RBM39: variants seen among roughly 807,000 people sequenced by gnomAD.
RBM39 encodes the protein RNA-binding protein 39.
RBM39 carries 12 observed loss-of-function variants against 79.6 expected under a neutral mutation model. The ratio of observed to expected loss-of-function variants is 0.15; its 90% confidence interval spans 0.10 to 0.24. The LOEUF is 0.24. Ranked by LOEUF, RBM39 falls within the 10% of genes least tolerant of loss-of-function variation. The pLI is 1.00. For missense variants in RBM39, 243 were observed against 653.4 expected (o/e 0.37, Z 6.85); for synonymous variants, 185 against 208.4 (o/e 0.89, Z 0.97).
chr20:35,738,489 C>CT (rs11167274), intron 3 of RBM39, among the ~76,000 whole-genome samples: 28,439 of 152,130 alleles, frequency 0.19, 3,060 homozygotes, highest in African/African-American at 0.31. Flanking sequence ...TACTTAAGTA[C>CT]CTGTTCCATC....
intron 3 of RBM39, among the ~76,000 whole-genome samples, chr20:35,735,318 C>T (rs985444006): frequency 6.6e-6 from 1 of 152,164 alleles, no homozygotes; most frequent in African/African-American, 2.4e-5. Context: ...TTGACATATG[C>T]AAAAACTCAG....
At chr20:35,709,022 T>TG (rs1319515554) in intron 13 of RBM39, 19 of 453,330 alleles carry the variant, frequency 4.2e-5, no homozygotes, top group Non-Finnish European at 7.3e-5. Flanking sequence ...ATTGTTATTT[T>TG]GATTTTTTTT....
chr20:35,720,596 C>A (rs2037778429), intron 9 of RBM39, among the ~76,000 whole-genome samples: 1 of 150,110 alleles, frequency 6.7e-6, no homozygotes, highest in African/African-American at 2.5e-5. Flanking sequence ...ATGGTAAAGC[C>A]CTGTCTCTAA....
chr20:35,738,028 G>C (rs748693889), intron 3 of RBM39, among the ~76,000 whole-genome samples: 1 of 151,616 alleles, frequency 6.6e-6, no homozygotes, highest in African/African-American at 2.4e-5. Flanking sequence ...GTGATGGCGC[G>C]CGCCTGTAGT....
rs913238874 is a variant in RBM39, at chr20:35,742,191, G to A, written c.-264C>T. 4 of 158,186 alleles carry A rather than the reference G, an allele frequency of 2.5e-5. No homozygotes were observed. Among genetic ancestry groups the A allele is most frequent in the African/African-American group, 9.7e-5 (4 of 41,448 alleles). The allele number at this position is 158,186 out of a possible 1,614,324, so 9.8% of individuals were successfully genotyped here. A position where few individuals can be genotyped will look rare whatever the true frequency, so the allele number is the denominator to read the frequency against. On this transcript the variant is annotated 5_prime_UTR_variant, in exon 1 of 17. It introduces an in-frame stop codon into an upstream open reading frame of the 5' UTR. Coordinates refer to ENST00000253363, the MANE Select transcript of RBM39 (RefSeq NM_184234.3). ...CTTCGGCAGCTCAGGATCCACCCCT[G>A]CGACAGCGTCGACAAGCTCCCTGAA...
At chr20:35,726,344 G>C (rs1268559723) in intron 6 of RBM39, among the ~76,000 whole-genome samples, 1 of 150,870 alleles carries the variant, frequency 6.6e-6, no homozygotes, top group Admixed American at 6.6e-5. Context: ...TGTTAGCCAG[G>C]ATGGTCTTGA....
At chr20:35,735,620 T>C (rs918843643) in intron 3 of RBM39, among the ~76,000 whole-genome samples, 10 of 152,248 alleles carry the variant, frequency 6.6e-5, no homozygotes, top group African/African-American at 2.4e-4. Context: ...CAGAGTGTTC[T>C]GTATGTTTTA....
rs115771300 is a variant in RBM39, at chr20:35,726,974, G to A, written c.417-1819C>T. 7.9e-3 allele frequency among the ~76,000 whole-genome samples: 1,196 copies of A among 151,256 alleles called. 5 individuals are homozygous for A. The highest frequency in any genetic ancestry group is 0.037 in the Middle Eastern group (11 of 294). On this transcript the variant is annotated intron_variant, in intron 6 of 16. Coordinates refer to ENST00000253363, the MANE Select transcript of RBM39 (RefSeq NM_184234.3). ...CGAGTAACTGGGATTACACGCACGC[G>A]CCACTACATCCGGCTAATTTTTGTA...
chr20:35,720,342 C>A (rs573746693), intron 9 of RBM39, among the ~76,000 whole-genome samples: 1 of 152,098 alleles, frequency 6.6e-6, no homozygotes, highest in Non-Finnish European at 1.5e-5. Flanking sequence ...GGCCTCGTGG[C>A]GCCTGTGAAG....
intron 9 of RBM39, among the ~76,000 whole-genome samples, chr20:35,720,940 C>G (rs1338703983): frequency 2.0e-5 from 3 of 151,902 alleles, no homozygotes; most frequent in African/African-American, 7.3e-5. Context: ...ACCAGGGAGA[C>G]AGAGTAATGT....
chr20:35,720,257 T>C (rs572935492), intron 9 of RBM39, among the ~76,000 whole-genome samples: 7 of 152,276 alleles, frequency 4.6e-5, no homozygotes, highest in African/African-American at 9.6e-5. Flanking sequence ...TTGGTTTAGG[T>C]AGATAGCACA....
At chr20:35,715,670 T>C (rs1032476637) in intron 10 of RBM39, among the ~76,000 whole-genome samples, 7 of 152,330 alleles carry the variant, frequency 4.6e-5, no homozygotes, top group Non-Finnish European at 8.8e-5. Context: ...TATGTATATA[T>C]AGCACATAGT....
In RBM39 at chr20:35,705,216, T is replaced by A; in HGVS notation, c.1413+9A>T. ...ACCTAACATCATTTATAAAAAAAGA[T>A]GAAAATACCTGAGCTGAATTTTTGT... On this transcript the variant is annotated intron_variant, in intron 15 of 16. Transcript: ENST00000253363. The A allele has an allele frequency of 1.3e-6, 2 of 1,483,316 alleles. No individual in the cohort carries two copies. The highest frequency in any genetic ancestry group is 2.1e-5 in the Admixed American group (1 of 47,518). The allele number at this position is 1,483,316 out of a possible 1,614,324, so 91.9% of individuals were successfully genotyped here.
intron 7 of RBM39, 112 bp from the exon 8 acceptor site, chr20:35,724,834 T>A: frequency 7.6e-7 from 1 of 1,311,454 alleles, no homozygotes; most frequent in Non-Finnish European, 1.0e-6. Context: ...ATTAAAAAAG[T>A]AAATCTGTAG....
At chr20:35,739,190 CT>C (rs1256310867) in intron 2 of RBM39, 173 bp from the exon 3 acceptor site, 2 of 649,772 alleles carry the variant, frequency 3.1e-6, no homozygotes, top group African/African-American at 3.7e-5. Context: ...TGTTTAACCA[CT>C]TTGTTGCTTA....
At chr20:35,726,619 TTGAAG>T in intron 6 of RBM39, among the ~76,000 whole-genome samples, 1 of 152,332 alleles carries the variant, frequency 6.6e-6, no homozygotes, top group Middle Eastern at 3.4e-3. Flanking sequence ...AATGGCAAAC[TTGAAG>T]TGAAACCCCA....
intron 3 of RBM39, among the ~76,000 whole-genome samples, chr20:35,738,663 T>C (rs1457030328): frequency 6.6e-6 from 1 of 152,220 alleles, no homozygotes; most frequent in Non-Finnish European, 1.5e-5. Context: ...ATCAGTAAGA[T>C]AACCAAATAT....
chr20:35,740,016 C>G (rs930609053), intron 2 of RBM39: 1 of 157,136 alleles, frequency 6.4e-6, no homozygotes, highest in East Asian at 1.9e-4. Context: ...ACTGAGATAC[C>G]GAAATGAGTC....
chr20:35,722,430 A>T (rs907982497), intron 8 of RBM39, among the ~76,000 whole-genome samples: 1 of 149,602 alleles, frequency 6.7e-6, no homozygotes, highest in South Asian at 2.1e-4. Flanking sequence ...ATAAAAAAAA[A>T]AATAAAAATA....
Sources: gnomAD v4.1 joint callset for allele counts (sites outside exome capture counted in the v4.1 genomes callset) on GRCh38, gnomAD v4.1.1 for gene constraint, MANE v1.5 for transcripts, NCBI Gene and HGNC (gene_info 2026-07-23, HGNC 2026-07-21) for gene names.